The following DCAF17 variants were observed in gnomAD, a reference collection of about 807,000 sequenced individuals.
The protein encoded by DCAF17 is DDB1 and CUL4 associated factor 17.
Under a neutral mutation model 66.0 loss-of-function variants are expected in DCAF17, and 48 were observed. That is an observed-to-expected ratio of 0.73 (90% CI 0.58 to 0.92). The LOEUF is 0.92. Among genes scored for constraint, DCAF17 ranks in the 40% least tolerant of loss-of-function variants. DCAF17 has a pLI of 0.00. For missense variants in DCAF17, 562 were observed against 622.8 expected (o/e 0.90, Z 1.04); for synonymous variants, 206 against 214.6 (o/e 0.96, Z 0.35).
At chr2:171,464,399 T>C (rs1402865959) in intron 8 of DCAF17, among the ~76,000 whole-genome samples, 1 of 152,216 alleles carries the variant, frequency 6.6e-6, no homozygotes, top group Non-Finnish European at 1.5e-5. Flanking sequence ...TCTTTGGTGT[T>C]TCTTGGCTTG....
At chr2:171,464,195 A>G (rs975640720) in intron 8 of DCAF17, among the ~76,000 whole-genome samples, 5 of 152,194 alleles carry the variant, frequency 3.3e-5, no homozygotes, top group African/African-American at 1.2e-4. Context: ...TTATTAGAGA[A>G]CGTCATTAGA....
intron 4 of DCAF17, among the ~76,000 whole-genome samples, chr2:171,449,600 GATT>G (rs1355254030): frequency 1.3e-5 from 2 of 152,100 alleles, no homozygotes; most frequent in Non-Finnish European, 2.9e-5. Context: ...AAGTAGAAAT[GATT>G]ATTTTGTTTT....
chr2:171,448,435 CATA>C (rs953462171), intron 3 of DCAF17, among the ~76,000 whole-genome samples: 1 of 151,468 alleles, frequency 6.6e-6, no homozygotes, highest in African/African-American at 2.4e-5. Context: ...ATAATTAATT[CATA>C]ATAATAAATT....
rs765891154 is a variant in DCAF17 at position 171,481,441 on chromosome 2, G to C, written c.*327G>C. On this transcript the variant is annotated 3_prime_UTR_variant, in exon 14 of 14. Coordinates refer to ENST00000375255, the MANE Select transcript of DCAF17 (RefSeq NM_025000.4). ...TGAGGAGTTAAGTCATTGATGGGGT[G>C]GGTCATTGATGAGTTCTTAAAGGAT... is the stretch of plus-strand genomic sequence containing the variant. 11 of 469,106 alleles carry C rather than the reference G, an allele frequency of 2.3e-5. 1 individual carries two copies. Among genetic ancestry groups the C allele is most frequent in the South Asian group, 1.7e-4 (11 of 64,576 alleles). 29.1% of individuals were successfully genotyped at this position (469,106 alleles called of 1,614,324 possible). A position where few individuals can be genotyped will look rare whatever the true frequency, so the allele number is the denominator to read the frequency against.
At chr2:171,468,580 C>T (rs1696056207) in intron 8 of DCAF17, among the ~76,000 whole-genome samples, 1 of 152,096 alleles carries the variant, frequency 6.6e-6, no homozygotes, top group Non-Finnish European at 1.5e-5. Flanking sequence ...ATTAAATGTA[C>T]TTTGTCATTT....
In DCAF17 at chr2:171,481,362, G is replaced by A. The variant is rs1392214620; in HGVS notation, c.*248G>A. The A allele has an allele frequency of 3.5e-6, 2 of 568,320 alleles. No individual in the cohort carries two copies. The highest frequency in any genetic ancestry group is 6.6e-6 in the Non-Finnish European group (2 of 302,352). 35.2% of individuals were successfully genotyped at this position (568,320 alleles called of 1,614,324 possible). A position where few individuals can be genotyped will look rare whatever the true frequency, so the allele number is the denominator to read the frequency against. On this transcript the variant is annotated 3_prime_UTR_variant, in exon 14 of 14. Coordinates refer to ENST00000375255, the MANE Select transcript of DCAF17 (RefSeq NM_025000.4). Reference sequence around the variant, plus strand: ...GTGTTTTGCAGCTTTGAGCTAGGTGGTAATGCAAATATAAAATGCTGGGAA... The same window carrying A: ...GTGTTTTGCAGCTTTGAGCTAGGTGATAATGCAAATATAAAATGCTGGGAA...
chr2:171,474,224 T>G (rs1696392678), intron 10 of DCAF17: 1 of 502,222 alleles, frequency 2.0e-6, no homozygotes, highest in Non-Finnish European at 3.6e-6. Flanking sequence ...AATTACAGAC[T>G]GGCCCTTTCT....
intron 8 of DCAF17, among the ~76,000 whole-genome samples, chr2:171,463,220 AT>A (rs111737117): frequency 0.012 from 1,537 of 125,396 alleles, 29 homozygotes; most frequent in African/African-American, 0.04. Flanking sequence ...ATGGAGCGAG[AT>A]TTTAAAAAAA....
At chr2:171,474,536 G>A (rs936319937) in intron 10 of DCAF17, among the ~76,000 whole-genome samples, 1 of 152,028 alleles carries the variant, frequency 6.6e-6, no homozygotes, top group Admixed American at 6.6e-5. Flanking sequence ...CCATAGTTGG[G>A]TCTTAAGCCC....
At chr2:171,477,770 C>T (rs1008091660) in intron 11 of DCAF17, among the ~76,000 whole-genome samples, 4 of 152,116 alleles carry the variant, frequency 2.6e-5, no homozygotes, top group South Asian at 2.1e-4. Context: ...GAGGCAAGAT[C>T]GCACCACGGC....
intron 2 of DCAF17, among the ~76,000 whole-genome samples, chr2:171,438,845 G>A (rs987248105): frequency 2.0e-5 from 3 of 148,110 alleles, no homozygotes; most frequent in Admixed American, 6.9e-5. Context: ...GAAGCAATCC[G>A]ACCATCTCAG....
chr2:171,465,815 A>C (rs570194607), intron 8 of DCAF17, among the ~76,000 whole-genome samples: 92 of 151,998 alleles, frequency 6.1e-4, no homozygotes, highest in African/African-American at 1.9e-3. Flanking sequence ...TTCTGTTTTT[A>C]TTTTTTATTA....
chr2:171,438,482 T>G (rs963189377), intron 2 of DCAF17, among the ~76,000 whole-genome samples: 1 of 152,228 alleles, frequency 6.6e-6, no homozygotes, highest in Non-Finnish European at 1.5e-5. Context: ...ATTTATCTAT[T>G]TCTCCTTGCA....
At position 171,482,430 on chromosome 2, in the gene DCAF17, G is replaced by T; in HGVS notation, c.*1316G>T. The stretch of plus-strand genomic sequence containing the variant: ...GTGAATTCTTCCCAGTTCTGCCCTG[G>T]TGCTAGACATTGCCCCATACTTTCA... On this transcript the variant is annotated 3_prime_UTR_variant, in exon 14 of 14. Transcript: ENST00000375255. 1 of 453,812 alleles carries T rather than the reference G, an allele frequency of 2.2e-6. No individual in the cohort carries two copies. Among genetic ancestry groups the T allele is most frequent in the Non-Finnish European group, 4.4e-6 (1 of 226,740 alleles). 28.1% of individuals were successfully genotyped at this position (453,812 alleles called of 1,614,324 possible).
In DCAF17 at chr2:171,484,220, TATC is replaced by T. The variant is rs1559299959; in HGVS notation, c.*3110_*3112del. ...TTCTCCTTCTTACCATGTTTACTTA[TATC>T]ATCCATCTTTTAGAATCCCAGGGAG... On this transcript the variant is annotated 3_prime_UTR_variant, in exon 14 of 14. Transcript: ENST00000375255. 2.2e-6 allele frequency: 1 copy of T among 451,092 alleles called. No individual in the cohort carries two copies. The highest frequency in any genetic ancestry group is 2.4e-5 in the Admixed American group (1 of 41,784). 27.9% of individuals were successfully genotyped at this position (451,092 alleles called of 1,614,324 possible).
chr2:171,477,841 T>C, intron 11 of DCAF17, 146 bp from the exon 12 acceptor site: 1 of 710,366 alleles, frequency 1.4e-6, no homozygotes, highest in Non-Finnish European at 2.5e-6. Context: ...GGATCAGAAA[T>C]CTGATTCAGA....
rs1356908272 is a variant in DCAF17, at chr2:171,435,162, A to T, written c.206A>T (p.Asp69Val). ...IAYERGRIYFDNYRRCVSSVA... is the reference protein window; with the variant it reads ...IAYERGRIYFVNYRRCVSSVA... ...TATGAGAGAGGAAGAATATATTTTG[A>T]CAATTATCGGCGCTGTGTCAGCAGG... is the stretch of plus-strand genomic sequence containing the variant. Residue 69 changes from aspartate to valine, a missense_variant, in exon 2 of 14, where the codon GAC (aspartate) becomes GTC (valine). This residue lies in a region of DCAF17 where 348 missense variants were observed against 355.9 expected (regional missense o/e 0.98). Coordinates refer to ENST00000375255, the MANE Select transcript of DCAF17 (RefSeq NM_025000.4). 6.2e-7 allele frequency: 1 copy of T among 1,613,618 alleles called. No individual in the cohort carries two copies. Among genetic ancestry groups the T allele is most frequent in the East Asian group, 2.2e-5 (1 of 44,862 alleles).
intron 8 of DCAF17, among the ~76,000 whole-genome samples, chr2:171,465,632 A>C (rs1219847431): frequency 6.6e-6 from 1 of 152,002 alleles, no homozygotes; most frequent in Admixed American, 6.6e-5. Context: ...GGCACACACC[A>C]CCACACCTGG....
chr2:171,455,148 C>T (rs914961166), intron 6 of DCAF17, among the ~76,000 whole-genome samples: 7 of 144,792 alleles, frequency 4.8e-5, no homozygotes, highest in Non-Finnish European at 7.6e-5. Context: ...CCACCCTCCA[C>T]CCTCCGATAG....
Sources: gnomAD v4.1 joint callset for allele counts (sites outside exome capture counted in the v4.1 genomes callset) on GRCh38, gnomAD v4.1.1 for gene constraint, gnomAD v4.1.1 regional missense constraint, MANE v1.5 for transcripts, NCBI Gene and HGNC (gene_info 2026-07-23, HGNC 2026-07-21) for gene names.